Variants in SHQ1 observed in about 807,000 individuals in gnomAD.
SHQ1 encodes the protein protein SHQ1 homolog.
SHQ1 carries 49 observed loss-of-function variants against 53.8 expected under a neutral mutation model. The ratio of observed to expected loss-of-function variants is 0.91; its 90% confidence interval spans 0.72 to 1.16. The LOEUF is 1.16. SHQ1 is among the 50% of genes most tolerant of loss of function. SHQ1 has a pLI of 0.00. For synonymous variants in SHQ1, 243 were observed against 251.0 expected, an observed-to-expected ratio of 0.97 and a Z score of 0.30; for missense variants, 738 against 683.1, an observed-to-expected ratio of 1.08 and a Z score of -0.90.
At chr3:72,785,242 C>G (rs1024946941) in intron 10 of SHQ1, among the ~76,000 whole-genome samples, 1 of 152,212 alleles carries the variant, frequency 6.6e-6, no homozygotes, top group African/African-American at 2.4e-5. Flanking sequence ...TCCTGGTATC[C>G]AGCTGTACTC....
At chr3:72,788,017 T>C (rs890711249) in intron 10 of SHQ1, among the ~76,000 whole-genome samples, 1 of 152,168 alleles carries the variant, frequency 6.6e-6, no homozygotes, top group African/African-American at 2.4e-5. Flanking sequence ...CACTCAGTGC[T>C]CAATGTTGCC....
intron 4 of SHQ1, 37 bp from the exon 5 acceptor site, chr3:72,832,518 T>C (rs1707856069): frequency 6.9e-7 from 1 of 1,443,284 alleles, no homozygotes; most frequent in Admixed American, 2.0e-5. Flanking sequence ...AATTGCTATC[T>C]CCTATTTTTA....
chr3:72,803,876 C>G lies in SHQ1; in HGVS notation c.1060+8795G>C, dbSNP rs909761163. ...AAGCATTGTTAGCTCAAGGGCAATA[C>G]AAGATGGATTTGGCCTGTGGATGGC... On this transcript the variant is annotated intron_variant, in intron 9 of 10. Coordinates refer to ENST00000325599, the MANE Select transcript of SHQ1 (RefSeq NM_018130.3). Among the ~76,000 whole-genome samples the G allele has an allele frequency of 2.0e-5, 3 of 151,996 alleles. No individual in the cohort carries two copies. The East Asian group carries it at 5.8e-4, about 29-fold the overall frequency.
intron 10 of SHQ1, among the ~76,000 whole-genome samples, chr3:72,782,230 T>C (rs1259578288): frequency 6.6e-6 from 1 of 152,174 alleles, no homozygotes; most frequent in African/African-American, 2.4e-5. Context: ...ACATCTAAAA[T>C]TGGATCAGAA....
At chr3:72,783,710 A>C (rs1322405003) in intron 10 of SHQ1, among the ~76,000 whole-genome samples, 1 of 152,218 alleles carries the variant, frequency 6.6e-6, no homozygotes, top group Non-Finnish European at 1.5e-5. Flanking sequence ...CTATTTCTAA[A>C]AATTCTCAAA....
At chr3:72,753,542 A>C in intron 10 of SHQ1, 1 of 985,382 alleles carries the variant, frequency 1.0e-6, no homozygotes, top group Non-Finnish European at 1.2e-6. Flanking sequence ...GCAGTGTCCA[A>C]GGGTGAGCGG....
chr3:72,782,772 G>A (rs1477627342), intron 10 of SHQ1, among the ~76,000 whole-genome samples: 1 of 152,182 alleles, frequency 6.6e-6, no homozygotes, highest in South Asian at 2.1e-4. Context: ...TGACTCCATT[G>A]AAAGAATGCT....
chr3:72,788,401 C>T (rs1383531767), intron 10 of SHQ1, among the ~76,000 whole-genome samples: 1 of 151,272 alleles, frequency 6.6e-6, no homozygotes, highest in Admixed American at 6.6e-5. Flanking sequence ...CTCTGACCAG[C>T]CGCCCCGTCT....
chr3:72,839,156 A>T (rs1269814691), intron 4 of SHQ1, among the ~76,000 whole-genome samples: 1 of 152,208 alleles, frequency 6.6e-6, no homozygotes, highest in Non-Finnish European at 1.5e-5. Context: ...CTTCTAATGT[A>T]AATGTAAAAT....
chr3:72,815,539 A>G, intron 7 of SHQ1, 136 bp from the exon 8 acceptor site: 1 of 589,212 alleles, frequency 1.7e-6, no homozygotes, highest in Middle Eastern at 4.5e-4. Context: ...ACGACTATAG[A>G]AAAATAATTA....
At chr3:72,778,485 A>G (rs1323924404) in intron 10 of SHQ1, among the ~76,000 whole-genome samples, 1 of 152,036 alleles carries the variant, frequency 6.6e-6, no homozygotes, top group Admixed American at 6.6e-5. Context: ...GAAAAAAAAG[A>G]AATCAGTGGT....
intron 9 of SHQ1, among the ~76,000 whole-genome samples, chr3:72,804,067 C>T (rs982265396): frequency 2.0e-5 from 3 of 152,062 alleles, no homozygotes; most frequent in African/African-American, 7.2e-5. Flanking sequence ...TAGGCACACA[C>T]AACTACGCCC....
At chr3:72,755,242 T>TGATGGATG (rs887843181) in intron 10 of SHQ1, among the ~76,000 whole-genome samples, 5 of 151,684 alleles carry the variant, frequency 3.3e-5, no homozygotes, top group South Asian at 2.1e-4. Context: ...TACAATAAGT[T>TGATGGATG]GATGGATGGA....
chr3:72,839,118 G>A (rs984334648), intron 4 of SHQ1, among the ~76,000 whole-genome samples: 1 of 152,134 alleles, frequency 6.6e-6, no homozygotes, highest in African/African-American at 2.4e-5. Context: ...CAACAATTAA[G>A]TAACAAATCC....
chr3:72,822,653 A>G (rs1444278455), intron 6 of SHQ1, among the ~76,000 whole-genome samples: 4 of 152,218 alleles, frequency 2.6e-5, no homozygotes, highest in African/African-American at 9.7e-5. Flanking sequence ...GACTCAAACC[A>G]GTTGACACAC....
At chr3:72,742,369 G>T in the SHQ1 span, among the ~76,000 whole-genome samples, 1 of 152,060 alleles carries the variant, frequency 6.6e-6, no homozygotes, top group African/African-American at 2.4e-5. Flanking sequence ...TTACATTTGA[G>T]AGCAATTGCT....
At chr3:72,738,843 T>A in the SHQ1 span, among the ~76,000 whole-genome samples, 18 of 152,168 alleles carry the variant, frequency 1.2e-4, no homozygotes, top group African/African-American at 3.9e-4. Context: ...TCCAGGCACC[T>A]GCCCTGGGCC....
chr3:72,805,895 A>G (rs969784431), intron 9 of SHQ1, among the ~76,000 whole-genome samples: 12 of 152,210 alleles, frequency 7.9e-5, no homozygotes, highest in Non-Finnish European at 1.6e-4. Context: ...TAAGAGAACC[A>G]AGAATGTTTT....
chr3:72,826,308 C>G (rs1243398028), intron 5 of SHQ1, among the ~76,000 whole-genome samples: 1 of 152,222 alleles, frequency 6.6e-6, no homozygotes, highest in East Asian at 1.9e-4. Flanking sequence ...TATTAGCTAT[C>G]TCTTTCTCCT....
Sources: allele counts gnomAD v4.1 joint callset (sites outside exome capture counted in the v4.1 genomes callset), GRCh38; gene constraint gnomAD v4.1.1; transcripts MANE v1.5; gene names NCBI Gene and HGNC (gene_info 2026-07-23, HGNC 2026-07-21).